Variants in ZNF429 observed in about 807,000 individuals in gnomAD.
The protein encoded by ZNF429 is zinc finger protein 429.
ZNF429 carries 53 observed loss-of-function variants against 56.8 expected under a neutral mutation model. The observed-to-expected ratio is 0.93, with a 90% confidence interval of 0.75 to 1.17. ZNF429 has a LOEUF of 1.17. Among genes scored for constraint, ZNF429 ranks in the 50% most tolerant of loss-of-function variants. The pLI, the probability that ZNF429 is intolerant of heterozygous loss-of-function variation, is 0.00. For synonymous variants in ZNF429, 278 were observed against 264.7 expected, an observed-to-expected ratio of 1.05 and a Z score of -0.49; for missense variants, 849 against 788.4, an observed-to-expected ratio of 1.08 and a Z score of -0.92.
chr19:21,537,055 A>G lies in ZNF429; in HGVS notation c.1002A>G (p.Ile334Met). 1 of 1,608,298 alleles carries G rather than the reference A, an allele frequency of 6.2e-7. No homozygotes were observed. Among genetic ancestry groups the G allele is most frequent in the Non-Finnish European group, 8.5e-7 (1 of 1,177,956 alleles). Residue 334 changes from isoleucine (I) to methionine (M), a missense_variant, in exon 4 of 4, where the codon ATA (isoleucine) becomes ATG (methionine). By Grantham distance (10) the Ile-to-Met change is conservative. Transcript: ENST00000358491. ...RSSTLTSHKRIHTGEKPYKCE... is the reference protein window; with the variant it reads ...RSSTLTSHKRMHTGEKPYKCE... ...CAACCCTTACTAGCCATAAGAGAAT[A>G]CATACTGGTGAGAAACCCTACAAAT...
intron 1 of ZNF429, among the ~76,000 whole-genome samples, chr19:21,526,398 A>G (rs1294840834): frequency 6.6e-6 from 1 of 152,144 alleles, no homozygotes; most frequent in East Asian, 1.9e-4. Flanking sequence ...TTCGTAGTTT[A>G]GCTCCCACAT....
intron 3 of ZNF429, 112 bp from the exon 4 acceptor site, chr19:21,536,165 ATTT>A: frequency 9.5e-7 from 1 of 1,056,512 alleles, no homozygotes; most frequent in Non-Finnish European, 1.3e-6. Context: ...AGAATCTGGT[ATTT>A]TGCTATGCTG....
rs1184292167 is a variant in ZNF429 at position 21,536,612 on chromosome 19, CA to C, written c.561del (p.Gln187HisfsTer2). The part of the protein sequence containing the change: ...KCGKSFCMLS[Q>X]LTQHKKIHIR... ...TGGCAAATCATTTTGCATGCTTTCA[CA>C]ACTAACTCAACATAAGAAAATTCAT... is the stretch of plus-strand genomic sequence containing the variant. On this transcript the variant is annotated frameshift_variant, in exon 4 of 4. Coordinates refer to ENST00000358491, the MANE Select transcript of ZNF429 (RefSeq NM_001001415.4). LOFTEE classifies it high-confidence loss of function. 6.2e-7 allele frequency: 1 copy of C among 1,613,558 alleles called. No homozygotes were observed. The highest frequency in any genetic ancestry group is 8.5e-7 in the Non-Finnish European group (1 of 1,179,838).
rs994709101 is a variant in ZNF429, at chr19:21,537,231, G to T, written c.1178G>T (p.Gly393Val). ...RLTRHKKIHT[G>V]EEPYKFEKCG... Reference sequence around the variant, plus strand: ...ACTCGACATAAAAAAATTCATACTGGAGAGGAACCCTACAAATTTGAAAAA... The same window carrying T: ...ACTCGACATAAAAAAATTCATACTGTAGAGGAACCCTACAAATTTGAAAAA... Residue 393 changes from glycine to valine, a missense_variant, in exon 4 of 4, where the codon GGA becomes GTA. Transcript: ENST00000358491. 7.4e-6 allele frequency: 12 copies of T among 1,613,370 alleles called. No individual in the cohort carries two copies. The highest frequency in any genetic ancestry group is 9.3e-6 in the Non-Finnish European group (11 of 1,179,822).
chr19:21,533,097 TG>T, intron 3 of ZNF429, among the ~76,000 whole-genome samples: 1 of 152,178 alleles, frequency 6.6e-6, no homozygotes, highest in Non-Finnish European at 1.5e-5. Flanking sequence ...TCATTTTCAT[TG>T]CATCATCAAC....
intron 1 of ZNF429, among the ~76,000 whole-genome samples, chr19:21,524,648 A>G (rs2033101141): frequency 6.6e-6 from 1 of 151,946 alleles, no homozygotes; most frequent in Non-Finnish European, 1.5e-5. Context: ...TCCATTTTCT[A>G]TTTAGAATGA....
rs776532150 is a variant in ZNF429 at position 21,536,641 on chromosome 19, TAGAG to T, written c.592_595del (p.Glu198IlefsTer107). The T allele has an allele frequency of 1.9e-5, 31 of 1,613,942 alleles. No individual in the cohort carries two copies. In the Admixed American group the frequency reaches 3.3e-4, roughly 17 times the overall value. On this transcript the variant is annotated frameshift_variant, in exon 4 of 4. Coordinates refer to ENST00000358491, the MANE Select transcript of ZNF429 (RefSeq NM_001001415.4). LOFTEE classifies it high-confidence loss of function. ...TAACTCAACATAAGAAAATTCATAT[TAGAG>T]AGAATACCTACAGATGTAAAGAATT...
intron 1 of ZNF429, among the ~76,000 whole-genome samples, chr19:21,519,846 G>A (rs1182164524): frequency 1.3e-5 from 2 of 149,382 alleles, no homozygotes; most frequent in Non-Finnish European, 3.0e-5. Flanking sequence ...AGAACTTGCT[G>A]TATTCATGTG....
At chr19:21,525,348 C>G (rs748484414) in intron 1 of ZNF429, among the ~76,000 whole-genome samples, 21 of 152,080 alleles carry the variant, frequency 1.4e-4, no homozygotes, top group African/African-American at 2.2e-4. Context: ...TAAAATTACA[C>G]AAACTCTGGA....
chr19:21,523,045 ACT>A (rs1419844987), intron 1 of ZNF429, among the ~76,000 whole-genome samples: 1 of 152,060 alleles, frequency 6.6e-6, no homozygotes, highest in Non-Finnish European at 1.5e-5. Flanking sequence ...TCTTTCAATG[ACT>A]CTTGTGTCTT....
intron 1 of ZNF429, among the ~76,000 whole-genome samples, chr19:21,512,186 C>G (rs889892239): frequency 6.6e-6 from 1 of 152,074 alleles, no homozygotes; most frequent in Non-Finnish European, 1.5e-5. Flanking sequence ...AGAGTAACTT[C>G]CTGATATTGC....
intron 1 of ZNF429, among the ~76,000 whole-genome samples, chr19:21,519,227 A>G (rs1243777295): frequency 6.6e-6 from 1 of 152,230 alleles, no homozygotes; most frequent in Non-Finnish European, 1.5e-5. Context: ...AAAAGTTTTG[A>G]TAACACTATT....
chr19:21,521,096 G>A (rs1568419492), intron 1 of ZNF429, among the ~76,000 whole-genome samples: 2 of 152,228 alleles, frequency 1.3e-5, no homozygotes, highest in Middle Eastern at 3.4e-3. Flanking sequence ...TAACATCAAA[G>A]GAAAACTCAC....
In ZNF429 at chr19:21,530,736, A is replaced by G; in HGVS notation, c.226+52A>G. Reference sequence around the variant, plus strand: ...ACACAGATGAGAGGTCCCAAGGCCAATAAGAAAGCCAGTCCTTAACAATGT... The same window carrying G: ...ACACAGATGAGAGGTCCCAAGGCCAGTAAGAAAGCCAGTCCTTAACAATGT... On this transcript the variant is annotated intron_variant, in intron 3 of 3. Transcript: ENST00000358491. The G allele has an allele frequency of 2.7e-5, 36 of 1,326,558 alleles. No individual in the cohort carries two copies. The East Asian group carries it at 7.7e-4, about 29-fold the overall frequency. 82.2% of individuals were successfully genotyped at this position (1,326,558 alleles called of 1,614,324 possible). A position where few individuals can be genotyped will look rare whatever the true frequency, so the allele number is the denominator to read the frequency against.
chr19:21,511,102 TC>T (rs1327144085), intron 1 of ZNF429, among the ~76,000 whole-genome samples: 1 of 152,152 alleles, frequency 6.6e-6, no homozygotes, highest in Non-Finnish European at 1.5e-5. Flanking sequence ...TGGGTACACC[TC>T]CCAGACGGGG....
rs755954689 is a variant in ZNF429, at chr19:21,536,710, T to A, written c.657T>A (p.His219Gln). ...AFNQSSALTN[H>Q]KRIYVGEKHY... The stretch of plus-strand genomic sequence containing the variant: ...ATCAGTCCTCAGCCCTTACTAACCA[T>A]AAGAGAATTTATGTTGGTGAGAAAC... Residue 219 changes from histidine to glutamine, a missense_variant, in exon 4 of 4, where the codon CAT becomes CAA. Physicochemically the swap from His to Gln is conservative, Grantham distance 24 (BLOSUM62 0). Coordinates refer to ENST00000358491, the MANE Select transcript of ZNF429 (RefSeq NM_001001415.4). 1 of 1,614,044 alleles carries A rather than the reference T, an allele frequency of 6.2e-7. No individual in the cohort carries two copies. Among genetic ancestry groups the A allele is most frequent in the Non-Finnish European group, 8.5e-7 (1 of 1,180,016 alleles).
chr19:21,525,527 A>G (rs1280547101), intron 1 of ZNF429, among the ~76,000 whole-genome samples: 3 of 152,178 alleles, frequency 2.0e-5, no homozygotes, highest in African/African-American at 7.2e-5. Context: ...CTTGCCTCAC[A>G]GAACTGATTA....
Position 21,525,094 on chromosome 19 carries a change from G to A in ZNF429, c.4-4564G>A, listed in dbSNP as rs569066289. Among the ~76,000 whole-genome samples the A allele has an allele frequency of 4.9e-4, 75 of 152,210 alleles. 3 individuals are homozygous for A. In the South Asian group the frequency reaches 0.014, roughly 29 times the overall value. On this transcript the variant is annotated intron_variant, in intron 1 of 3. Coordinates refer to ENST00000358491, the MANE Select transcript of ZNF429 (RefSeq NM_001001415.4). ...ATCATATGGTTGGTACAATGAATAC[G>A]TGTGTGCAAAAAAACTTGGGCTTTA...
chr19:21,513,413 A>T (rs915135735), intron 1 of ZNF429, among the ~76,000 whole-genome samples: 2 of 152,138 alleles, frequency 1.3e-5, no homozygotes, highest in Non-Finnish European at 2.9e-5. Context: ...CCAATTATTA[A>T]ACTTCATAGA....
Sources: allele counts gnomAD v4.1 joint callset (sites outside exome capture counted in the v4.1 genomes callset), GRCh38; gene constraint gnomAD v4.1.1; transcripts MANE v1.5; gene names NCBI Gene and HGNC (gene_info 2026-07-23, HGNC 2026-07-21).